SCHIP1: variants seen among roughly 807,000 people sequenced by gnomAD.
SCHIP1 encodes schwannomin interacting protein 1, also known as schwannomin-interacting protein 1.
SCHIP1 carries 8 observed loss-of-function variants against 29.7 expected under a neutral mutation model. That is an observed-to-expected ratio of 0.27 (90% CI 0.16 to 0.49). SCHIP1 has a LOEUF of 0.49. Among genes scored for constraint, SCHIP1 ranks in the 20% least tolerant of loss-of-function variants. The pLI, the probability that SCHIP1 is intolerant of heterozygous loss-of-function variation, is 0.99. For synonymous variants in SCHIP1, 76 were observed against 94.9 expected (o/e 0.80, Z 1.16); for missense variants, 193 against 294.6 (o/e 0.66, Z 2.52).
At chr3:159,342,641 A>G in the SCHIP1 span, among the ~76,000 whole-genome samples, 3 of 152,208 alleles carry the variant, frequency 2.0e-5, no homozygotes, top group African/African-American at 7.2e-5. Context: ...GAAAGGTAAC[A>G]ACTTTTAGAA....
the SCHIP1 span, among the ~76,000 whole-genome samples, chr3:159,651,496 A>G: frequency 6.6e-6 from 1 of 152,208 alleles, no homozygotes; most frequent in Non-Finnish European, 1.5e-5. Flanking sequence ...AAAGCACAAC[A>G]TCTTAAGCAG....
the SCHIP1 span, chr3:159,765,728 C>A: frequency 6.6e-6 from 1 of 152,224 alleles, no homozygotes; most frequent in Non-Finnish European, 1.5e-5. Context: ...TTTATGAAAC[C>A]CGAGTTATTG....
chr3:159,751,839 C>T, the SCHIP1 span, among the ~76,000 whole-genome samples: 26 of 152,146 alleles, frequency 1.7e-4, no homozygotes, highest in African/African-American at 5.3e-4. Context: ...TGAGACACCA[C>T]GCCCAGCCTC....
chr3:159,855,790 C>T (rs1428586983), intron 1 of SCHIP1, among the ~76,000 whole-genome samples: 3 of 151,916 alleles, frequency 2.0e-5, no homozygotes, highest in Non-Finnish European at 4.4e-5. Context: ...TAATAAATAC[C>T]ACATGTGTAT....
chr3:159,376,756 T>C, the SCHIP1 span, among the ~76,000 whole-genome samples: 2 of 152,178 alleles, frequency 1.3e-5, no homozygotes, highest in African/African-American at 4.8e-5. Context: ...ATTCTGGTAC[T>C]TGCCCACCTC....
the SCHIP1 span, among the ~76,000 whole-genome samples, chr3:159,738,815 T>A: frequency 6.6e-6 from 1 of 152,202 alleles, no homozygotes; most frequent in African/African-American, 2.4e-5. Flanking sequence ...CAAGTGTGCG[T>A]GTGTTTTGCT....
the SCHIP1 span, among the ~76,000 whole-genome samples, chr3:159,572,362 CTTCAT>C: frequency 6.6e-6 from 1 of 152,050 alleles, no homozygotes; most frequent in African/African-American, 2.4e-5. Context: ...TTATTTCTGC[CTTCAT>C]TTCATTATTT....
the SCHIP1 span, among the ~76,000 whole-genome samples, chr3:159,292,904 T>C: frequency 2.6e-5 from 4 of 152,188 alleles, no homozygotes; most frequent in African/African-American, 9.7e-5. Context: ...CACTAGTCTT[T>C]CTTGGGCTGG....
the SCHIP1 span, among the ~76,000 whole-genome samples, chr3:159,389,621 G>A: frequency 2.6e-5 from 4 of 151,974 alleles, no homozygotes; most frequent in Admixed American, 1.3e-4. Context: ...GAAAAAAATG[G>A]AACAATAATG....
In SCHIP1 at chr3:159,842,614, G is replaced by T. The variant is rs906558991; in HGVS notation, c.30+2400G>T. Among the ~76,000 whole-genome samples the T allele has an allele frequency of 4.6e-5, 7 of 151,856 alleles. No homozygotes were observed. In the South Asian group the frequency reaches 1.2e-3, roughly 27 times the overall value. On this transcript the variant is annotated intron_variant, in intron 1 of 6. Transcript: ENST00000445224. ...TCGTCCCTGCTTCCTCTTGGACTCCGCTCCTACATTCCTGATTTCCTCCAC... is the reference window on the plus strand; with the variant it reads ...TCGTCCCTGCTTCCTCTTGGACTCCTCTCCTACATTCCTGATTTCCTCCAC...
At chr3:159,594,400 G>A in the SCHIP1 span, among the ~76,000 whole-genome samples, 1 of 152,170 alleles carries the variant, frequency 6.6e-6, no homozygotes. Context: ...TGCCTGTTAA[G>A]ATAAAGTAAA....
At chr3:159,355,143 C>T in the SCHIP1 span, among the ~76,000 whole-genome samples, 4 of 152,094 alleles carry the variant, frequency 2.6e-5, no homozygotes, top group Admixed American at 2.6e-4. Context: ...GCAGACATTA[C>T]AACAATTCAG....
the SCHIP1 span, among the ~76,000 whole-genome samples, chr3:159,505,008 CAA>C: frequency 6.6e-6 from 1 of 152,098 alleles, no homozygotes; most frequent in Non-Finnish European, 1.5e-5. Context: ...GAGGAGAGAG[CAA>C]AGAGTTCTCC....
chr3:159,890,730 C>T (rs191064788), intron 5 of SCHIP1, among the ~76,000 whole-genome samples: 1 of 152,044 alleles, frequency 6.6e-6, no homozygotes, highest in East Asian at 1.9e-4. Flanking sequence ...CCATCTAGTC[C>T]TTTTCAGGAA....
the SCHIP1 span, among the ~76,000 whole-genome samples, chr3:159,775,615 G>A: frequency 8.5e-5 from 13 of 152,162 alleles, no homozygotes; most frequent in Non-Finnish European, 1.8e-4. Context: ...TGGTGGCCAG[G>A]ACCCCCTGCC....
the SCHIP1 span, among the ~76,000 whole-genome samples, chr3:159,673,374 A>G: frequency 5.9e-5 from 9 of 152,214 alleles, no homozygotes; most frequent in Non-Finnish European, 1.3e-4. Flanking sequence ...AGCTATAGCC[A>G]TGTATGTCTG....
the SCHIP1 span, among the ~76,000 whole-genome samples, chr3:159,301,426 A>C: frequency 6.6e-6 from 1 of 152,084 alleles, no homozygotes; most frequent in Non-Finnish European, 1.5e-5. Flanking sequence ...CATGGTGAGC[A>C]CTCTTCAAAC....
At chr3:159,567,842 T>C in the SCHIP1 span, among the ~76,000 whole-genome samples, 1 of 152,172 alleles carries the variant, frequency 6.6e-6, no homozygotes, top group African/African-American at 2.4e-5. Context: ...TTTCAAGTAC[T>C]ATAGGAAAAC....
chr3:159,719,833 C>G, the SCHIP1 span, among the ~76,000 whole-genome samples: 1 of 152,206 alleles, frequency 6.6e-6, no homozygotes, highest in African/African-American at 2.4e-5. Context: ...TGAGATTCCT[C>G]AAGGATCTAG....
Sources: allele counts gnomAD v4.1 joint callset (sites outside exome capture counted in the v4.1 genomes callset), GRCh38; gene constraint gnomAD v4.1.1; transcripts MANE v1.5; gene names NCBI Gene and HGNC (gene_info 2026-07-23, HGNC 2026-07-21).